MOGAT1: variants seen among roughly 807,000 people sequenced by gnomAD.
MOGAT1 encodes the protein monoacylglycerol O-acyltransferase 1.
Under a neutral mutation model 31.4 loss-of-function variants are expected in MOGAT1, and 32 were observed. The observed-to-expected ratio is 1.02, with a 90% CI of 0.77 to 1.37. The LOEUF (loss-of-function observed/expected upper bound fraction) is 1.37, where lower values mean the gene tolerates loss of function less well. Ranked by LOEUF, MOGAT1 falls within the 40% of genes most tolerant of loss-of-function variation. The pLI is 0.00. For missense variants in MOGAT1, 426 were observed against 402.0 expected, an observed-to-expected ratio of 1.06 and a Z score of -0.51; for synonymous variants, 145 against 144.5, an observed-to-expected ratio of 1.00 and a Z score of -0.03.
At chr2:222,674,867 C>T (rs554381110) in intron 1 of MOGAT1, among the ~76,000 whole-genome samples, 9 of 152,216 alleles carry the variant, frequency 5.9e-5, no homozygotes, top group African/African-American at 2.2e-4. Context: ...AATGGGGCCT[C>T]CTTATGTTGC....
At position 222,695,105 on chromosome 2, in the gene MOGAT1, G is replaced by C; in HGVS notation, c.670G>C (p.Val224Leu). 1.9e-6 allele frequency: 3 copies of C among 1,603,756 alleles called. No individual in the cohort carries two copies. The highest frequency in any genetic ancestry group is 2.6e-6 in the Non-Finnish European group (3 of 1,175,890). ...TTATTGCAGCGCCTCTCTGGTCCCA[G>C]TGGTTTCTTTTGGTGAAAATGAACT... ...ALTHGASLVP[V>L]VSFGENELFK... Residue 224 changes from valine (V) to leucine (L), a missense_variant, in exon 5 of 6, where the codon GTG becomes CTG. Coordinates refer to ENST00000446656, the MANE Select transcript of MOGAT1 (RefSeq NM_058165.3).
At chr2:222,689,689 T>C (rs532799117) in intron 3 of MOGAT1, among the ~76,000 whole-genome samples, 1 of 152,312 alleles carries the variant, frequency 6.6e-6, no homozygotes, top group East Asian at 1.9e-4. Context: ...CCATCCCAAG[T>C]ATCCAGCATG....
intron 1 of MOGAT1, among the ~76,000 whole-genome samples, chr2:222,683,430 T>TAAA (rs60533237): frequency 2.7e-4 from 38 of 142,824 alleles, no homozygotes; most frequent in South Asian, 2.5e-3. Flanking sequence ...TCACTTAAAT[T>TAAA]AAAAAAAAAA....
At chr2:222,686,900 G>C (rs950697971) in intron 1 of MOGAT1, among the ~76,000 whole-genome samples, 1 of 151,988 alleles carries the variant, frequency 6.6e-6, no homozygotes, top group Admixed American at 6.6e-5. Context: ...ATCACTTGAG[G>C]TCAGGAGTTT....
chr2:222,694,665 T>A (rs1438913947), intron 4 of MOGAT1, 129 bp downstream of exon 4: 4 of 876,986 alleles, frequency 4.6e-6, no homozygotes, highest in Non-Finnish European at 6.9e-6. Context: ...TAAAAGCAGG[T>A]GTGGATGTTC....
chr2:222,683,452 G>C (rs1692616018), intron 1 of MOGAT1, among the ~76,000 whole-genome samples: 1 of 150,688 alleles, frequency 6.6e-6, no homozygotes, highest in African/African-American at 2.4e-5. Flanking sequence ...AAAGGACCAG[G>C]CGCAGTGGCT....
At position 222,689,313 on chromosome 2, in the gene MOGAT1, T is replaced by A; in HGVS notation, c.322T>A (p.Phe108Ile). Residue 108 changes from phenylalanine to isoleucine, a missense_variant, in exon 3 of 6, where the codon TTT becomes ATT. Phe to Ile is a conservative substitution (Grantham distance 21). Transcript: ENST00000446656. ...TCCAAGTCACAACTATATATTTGGG[T>A]TTCACCCCCATGGAATAATGGCAGT... ...LDPSHNYIFG[F>I]HPHGIMAVGA... 1 of 1,613,998 alleles carries A rather than the reference T, an allele frequency of 6.2e-7. No individual in the cohort carries two copies. Among genetic ancestry groups the A allele is most frequent in the Non-Finnish European group, 8.5e-7 (1 of 1,179,858 alleles).
chr2:222,695,719 G>T (rs1213610135), intron 5 of MOGAT1, among the ~76,000 whole-genome samples: 6 of 151,002 alleles, frequency 4.0e-5, no homozygotes, highest in Non-Finnish European at 5.9e-5. Context: ...CTTTTTTTTT[G>T]CAGCTAGCTG....
At chr2:222,690,839 G>T (rs935912124) in intron 3 of MOGAT1, among the ~76,000 whole-genome samples, 5 of 152,200 alleles carry the variant, frequency 3.3e-5, no homozygotes, top group Admixed American at 6.5e-5. Context: ...GTGGGGTTGG[G>T]GGGGAATTAC....
intron 1 of MOGAT1, among the ~76,000 whole-genome samples, chr2:222,672,226 CT>C: frequency 6.6e-6 from 1 of 152,322 alleles, no homozygotes; most frequent in South Asian, 2.1e-4. Flanking sequence ...ACTTTAACCC[CT>C]CAAAAGTTGG....
chr2:222,694,308 A>T, intron 3 of MOGAT1, 54 bp from the exon 4 acceptor site: 1 of 1,432,106 alleles, frequency 7.0e-7, no homozygotes, highest in Admixed American at 2.3e-5. Flanking sequence ...ATGATAAAAC[A>T]TTGTAATATT....
At chr2:222,700,823 T>C (rs1473600521) in intron 5 of MOGAT1, among the ~76,000 whole-genome samples, 3 of 152,212 alleles carry the variant, frequency 2.0e-5, no homozygotes, top group African/African-American at 7.2e-5. Context: ...ATTTCTATTT[T>C]AAATCATGCA....
chr2:222,696,935 G>A (rs993845686), intron 5 of MOGAT1, among the ~76,000 whole-genome samples: 1 of 152,124 alleles, frequency 6.6e-6, no homozygotes, highest in Non-Finnish European at 1.5e-5. Context: ...AGTGCTTTGG[G>A]AGGCTGTGGA....
intron 1 of MOGAT1, among the ~76,000 whole-genome samples, chr2:222,681,554 C>T (rs1017338376): frequency 6.6e-6 from 1 of 152,104 alleles, no homozygotes; most frequent in Admixed American, 6.5e-5. Flanking sequence ...GCTGTCTGAA[C>T]CCTGGACTTT....
chr2:222,701,586 G>T (rs1159068109), intron 5 of MOGAT1, among the ~76,000 whole-genome samples: 2 of 90,266 alleles, frequency 2.2e-5, no homozygotes, highest in Non-Finnish European at 4.8e-5. Context: ...GAAAGAAAAA[G>T]AAAGAAAGAA....
intron 1 of MOGAT1, among the ~76,000 whole-genome samples, chr2:222,682,595 C>T (rs1034346674): frequency 6.6e-6 from 1 of 152,232 alleles, no homozygotes; most frequent in East Asian, 1.9e-4. Flanking sequence ...TTTGCTGGAG[C>T]CTTACTTGTT....
chr2:222,694,542 T>G lies in MOGAT1; in HGVS notation c.653+6T>G. ...AAAATTGCTTTGACCCATGGGTAAG[T>G]GGCTTTTTGTATAAAGTAGGGGGTC... On this transcript the variant is annotated splice_donor_region_variant and intron_variant, in intron 4 of 5. Transcript: ENST00000446656. 1.9e-6 allele frequency: 3 copies of G among 1,611,748 alleles called. No individual in the cohort carries two copies. Among genetic ancestry groups the G allele is most frequent in the Non-Finnish European group, 2.5e-6 (3 of 1,179,094 alleles).
chr2:222,702,307 C>T (rs1374536), intron 5 of MOGAT1, among the ~76,000 whole-genome samples: 97,865 of 151,792 alleles, frequency 0.64, 33,245 homozygotes, highest in African/African-American at 0.83. Context: ...ATTGAGGTGA[C>T]TGATAAAGTT....
intron 5 of MOGAT1, among the ~76,000 whole-genome samples, chr2:222,696,076 T>G (rs1020373501): frequency 1.3e-5 from 2 of 152,246 alleles, no homozygotes; most frequent in African/African-American, 4.8e-5. Context: ...CCATCCAGGT[T>G]GCTGAAAATG....
Sources: gnomAD v4.1 joint callset for allele counts (sites outside exome capture counted in the v4.1 genomes callset) on GRCh38, gnomAD v4.1.1 for gene constraint, MANE v1.5 for transcripts, NCBI Gene and HGNC (gene_info 2026-07-23, HGNC 2026-07-21) for gene names.